The following CHST15 variants were observed in gnomAD, a reference collection of about 807,000 sequenced individuals.
The protein encoded by CHST15 is B cell RAG associated protein (GALNAC4S-6ST).
A neutral mutation model predicts 53.6 loss-of-function variants in CHST15; 30 were observed. That is an observed-to-expected ratio of 0.56 (90% confidence interval 0.42 to 0.76). The LOEUF (loss-of-function observed/expected upper bound fraction) is 0.76. Ranked by LOEUF, CHST15 falls within the 30% of genes least tolerant of loss-of-function variation. CHST15 has a pLI of 0.00. For missense variants in CHST15, 627 were observed against 740.5 expected, an observed-to-expected ratio of 0.85 and a Z score of 1.78; for synonymous variants, 296 against 289.8, an observed-to-expected ratio of 1.02 and a Z score of -0.22.
At chr10:124,033,901 G>A (rs78107695) in intron 5 of CHST15, among the ~76,000 whole-genome samples, 4,520 of 152,272 alleles carry the variant, frequency 0.03, 180 homozygotes, top group East Asian at 0.18. Context: ...CTGACCCCCA[G>A]AAACTGTTTG....
At chr10:124,017,181 T>G (rs1043880755) in intron 6 of CHST15, among the ~76,000 whole-genome samples, 2 of 151,880 alleles carry the variant, frequency 1.3e-5, no homozygotes, top group Admixed American at 6.6e-5. Flanking sequence ...GGGTCAGGAG[T>G]TCCCCCCTGC....
chr10:124,043,063 C>T (rs909234337), intron 3 of CHST15, among the ~76,000 whole-genome samples: 6 of 152,170 alleles, frequency 3.9e-5, no homozygotes, highest in Non-Finnish European at 7.3e-5. Context: ...CTTAAATTCA[C>T]CCCCTGCCTG....
At position 124,038,556 on chromosome 10, in the gene CHST15, T is replaced by C. The variant is rs1947609969; in HGVS notation, c.1149A>G (p.Pro383=). 35 of 1,614,264 alleles carry C rather than the reference T, an allele frequency of 2.2e-5. No individual in the cohort carries two copies. The highest frequency in any genetic ancestry group is 2.7e-5 in the Non-Finnish European group (32 of 1,180,052). Residue 383 remains proline, a synonymous_variant, in exon 5 of 8, where the codon CCA becomes CCG. Transcript: ENST00000435907. ...LTQDFIHAFQ[P]NARLIVMLRD... is the part of the protein sequence containing the mutation. ...TGAGCATGACAATCAGTCTGGCATT[T>C]GGCTGAAAGGCGTGGATGAAGTCCT...
intron 1 of CHST15, among the ~76,000 whole-genome samples, chr10:124,085,896 C>A (rs994044231): frequency 1.1e-4 from 17 of 152,200 alleles, no homozygotes; most frequent in Non-Finnish European, 2.9e-5. Context: ...GGGGCTCCCC[C>A]TCTCCAGTGG....
intron 6 of CHST15, 107 bp downstream of exon 6, chr10:124,021,149 G>A: frequency 6.6e-7 from 1 of 1,516,924 alleles, no homozygotes; most frequent in Non-Finnish European, 8.8e-7. Context: ...GCTTCTCTCT[G>A]TTCCTATGCT....
rs1264425873 is a variant in CHST15 at position 124,044,784 on chromosome 10, T to C, written c.682A>G (p.Thr228Ala). The C allele has an allele frequency of 2.5e-6, 4 of 1,610,216 alleles. No individual in the cohort carries two copies. Among genetic ancestry groups the C allele is most frequent in the South Asian group, 1.1e-5 (1 of 90,636 alleles). The change falls in exon 3 of 8, where the codon ACC becomes GCC. Residue 228 changes from threonine (T) to alanine (A), a missense_variant. Physicochemically the swap from Thr to Ala is moderately conservative, Grantham distance 58. Coordinates refer to ENST00000435907, the MANE Select transcript of CHST15 (RefSeq NM_001270764.2). ...YVLYSKRFRS[T>A]FDALRKAFWG... is the part of the protein sequence containing the mutation. ...AAGGCCTTGCGCAGGGCGTCGAAGG[T>C]GGAGCGGAAGCGCTTGGAGTAGAGC... is the stretch of plus-strand genomic sequence containing the variant.
rs144027493 is a variant in CHST15, at chr10:124,039,277, G to A, written c.1034-606C>T. Among the ~76,000 whole-genome samples, 989 of 152,292 alleles carry A rather than the reference G, an allele frequency of 6.5e-3. 8 individuals carry two copies. The highest frequency in any genetic ancestry group is 0.022 in the African/African-American group (926 of 41,544). Reference sequence around the variant, plus strand: ...CAGGATCTAACAAAGAGAAAGAGCTGGGGCAGAGCTGAGCCACATTTCAGA... The same window carrying A: ...CAGGATCTAACAAAGAGAAAGAGCTAGGGCAGAGCTGAGCCACATTTCAGA... On this transcript the variant is annotated intron_variant, in intron 4 of 7. Coordinates refer to ENST00000435907, the MANE Select transcript of CHST15 (RefSeq NM_001270764.2).
At chr10:124,070,907 C>T (rs551552474) in intron 1 of CHST15, among the ~76,000 whole-genome samples, 3 of 152,304 alleles carry the variant, frequency 2.0e-5, no homozygotes, top group Non-Finnish European at 4.4e-5. Context: ...CCACAGACTC[C>T]GTAGGCTGCC....
intron 1 of CHST15, among the ~76,000 whole-genome samples, chr10:124,072,906 G>T (rs955427583): frequency 5.9e-5 from 9 of 152,098 alleles, no homozygotes; most frequent in African/African-American, 2.2e-4. Context: ...TATCCCCCAG[G>T]GTCTCTTCTT....
At chr10:124,028,352 T>C (rs1174537433) in intron 5 of CHST15, among the ~76,000 whole-genome samples, 1 of 152,226 alleles carries the variant, frequency 6.6e-6, no homozygotes, top group Non-Finnish European at 1.5e-5. Flanking sequence ...CTGGCCTCTA[T>C]GTGGAGAACT....
At chr10:124,023,001 G>A (rs996587931) in intron 5 of CHST15, among the ~76,000 whole-genome samples, 6 of 151,554 alleles carry the variant, frequency 4.0e-5, no homozygotes, top group Non-Finnish European at 5.9e-5. Flanking sequence ...TGTATTTTTC[G>A]TAGAGATGGG....
intron 1 of CHST15, among the ~76,000 whole-genome samples, chr10:124,076,769 G>C (rs1590352661): frequency 1.3e-5 from 2 of 151,132 alleles, no homozygotes; most frequent in African/African-American, 4.9e-5. Context: ...GAGTGCAGTG[G>C]TGCGATCTCG....
intron 5 of CHST15, among the ~76,000 whole-genome samples, chr10:124,025,112 T>C (rs557052654): frequency 2.0e-5 from 3 of 152,360 alleles, no homozygotes; most frequent in African/African-American, 4.8e-5. Flanking sequence ...TTGCAGATAT[T>C]TGGCTCATAA....
chr10:124,038,107 TA>T (rs1236712883), intron 5 of CHST15, among the ~76,000 whole-genome samples: 24 of 141,036 alleles, frequency 1.7e-4, no homozygotes, highest in Admixed American at 5.0e-4. Flanking sequence ...GTTTTTATTT[TA>T]TTTTATTTTT....
At chr10:124,016,443 A>G (rs765962605) in intron 6 of CHST15, among the ~76,000 whole-genome samples, 2 of 152,072 alleles carry the variant, frequency 1.3e-5, no homozygotes, top group Non-Finnish European at 2.9e-5. Context: ...TTAAGGGACA[A>G]TCTGTTACTG....
In CHST15 at chr10:124,074,227, A is replaced by AAAG. The variant is rs1465038826; in HGVS notation, c.-513+19239_-513+19241dup. Among the ~76,000 whole-genome samples the AAAG allele has an allele frequency of 6.6e-6, 1 of 152,166 alleles. No homozygotes were observed. The highest frequency in any genetic ancestry group is 1.5e-5 in the Non-Finnish European group (1 of 68,042). ...GCAGGGCCAGTGCCCCCCGGCTGGG[A>AAAG]AAGACACCGAACCCTTGCACTGATG... On this transcript the variant is annotated intron_variant, in intron 1 of 7. Coordinates refer to ENST00000435907, the MANE Select transcript of CHST15 (RefSeq NM_001270764.2). This position sits in a 1 kb window ranked among gnomAD's most constrained non-coding sequence, Gnocchi z 4.4.
chr10:124,042,529 G>A (rs2133984615), intron 3 of CHST15, 82 bp from the exon 4 acceptor site: 1 of 1,510,410 alleles, frequency 6.6e-7, no homozygotes, highest in Non-Finnish European at 9.1e-7. Context: ...CAACCAAAGA[G>A]AGATGGAAAG....
At chr10:124,034,700 CCCTAACA>C (rs1947368103) in intron 5 of CHST15, among the ~76,000 whole-genome samples, 1 of 147,564 alleles carries the variant, frequency 6.8e-6, no homozygotes, top group African/African-American at 2.5e-5. Flanking sequence ...CGGCTCCACC[CCCTAACA>C]GGGACCCCGG....
chr10:124,017,612 G>A lies in CHST15; in HGVS notation c.1347+3644C>T, dbSNP rs988485655. ...CTCTTGGACCAGGGCCTGCCACGCT[G>A]TGGGTGCAGAGTAGCAACCACTGAA... On this transcript the variant is annotated intron_variant, in intron 6 of 7. Coordinates refer to ENST00000435907, the MANE Select transcript of CHST15 (RefSeq NM_001270764.2). 9.2e-5 allele frequency among the ~76,000 whole-genome samples: 14 copies of A among 152,210 alleles called. No homozygotes were observed. In the East Asian group the frequency reaches 2.3e-3, roughly 25 times the overall value.
Sources: allele counts gnomAD v4.1 joint callset (sites outside exome capture counted in the v4.1 genomes callset), GRCh38; gene constraint gnomAD v4.1.1; non-coding constraint Gnocchi (gnomAD v3.1); transcripts MANE v1.5; gene names NCBI Gene and HGNC (gene_info 2026-07-23, HGNC 2026-07-21).